Variants in DIAPH2 observed in about 807,000 individuals in gnomAD.
The protein encoded by DIAPH2 is diaphanous related formin 2, also known as protein diaphanous homolog 2.
DIAPH2 carries 35 observed loss-of-function variants against 92.7 expected under a neutral mutation model. The ratio of observed to expected loss-of-function variants is 0.38; its 90% CI spans 0.29 to 0.50. The LOEUF is 0.50. Ranked by LOEUF, DIAPH2 falls within the 20% of genes least tolerant of loss-of-function variation. The pLI is 0.94. For missense variants in DIAPH2, 701 were observed against 819.5 expected, an observed-to-expected ratio of 0.86 and a Z score of 1.77; for synonymous variants, 301 against 280.4, an observed-to-expected ratio of 1.07 and a Z score of -0.73.
At chrX:97,197,132 A>C (rs147382305) in intron 22 of DIAPH2, among the ~76,000 whole-genome samples, 105 of 111,923 alleles carry the variant, frequency 9.4e-4, no homozygotes, top group Non-Finnish European at 1.7e-3. Flanking sequence ...AATTAAATGA[A>C]AGGTAAATAC....
intron 17 of DIAPH2, among the ~76,000 whole-genome samples, chrX:97,006,703 C>CT (rs2066185163): frequency 8.9e-6 from 1 of 111,879 alleles, no homozygotes; most frequent in Admixed American, 9.4e-5. Flanking sequence ...AAAGCAAGAG[C>CT]TTTTTTTAAA....
chrX:97,185,900 C>T (rs1351502828), intron 22 of DIAPH2, among the ~76,000 whole-genome samples: 1 of 110,149 alleles, frequency 9.1e-6, no homozygotes, highest in African/African-American at 3.3e-5. Flanking sequence ...GTATAGGTTC[C>T]CATCCTAAAT....
intron 22 of DIAPH2, among the ~76,000 whole-genome samples, chrX:97,173,633 T>C (rs1246771277): frequency 9.0e-6 from 1 of 111,241 alleles, no homozygotes; most frequent in Non-Finnish European, 1.9e-5. Flanking sequence ...GGGCTGGACC[T>C]GGTGGCTCAG....
At chrX:97,559,704 C>CAA (rs1284104355) in intron 26 of DIAPH2, among the ~76,000 whole-genome samples, 1 of 111,642 alleles carries the variant, frequency 9.0e-6, no homozygotes, top group Non-Finnish European at 1.9e-5. Flanking sequence ...TGATCAAAAA[C>CAA]AAAGTAAAGA....
At chrX:97,237,730 T>G (rs1396024225) in intron 22 of DIAPH2, among the ~76,000 whole-genome samples, 1 of 110,492 alleles carries the variant, frequency 9.1e-6, no homozygotes, top group Non-Finnish European at 1.9e-5. Flanking sequence ...CACAGGCGCC[T>G]GCCACCGCGC....
chrX:96,981,432 A>G (rs1254181531), intron 17 of DIAPH2, among the ~76,000 whole-genome samples: 4 of 112,020 alleles, frequency 3.6e-5, no homozygotes, highest in Non-Finnish European at 7.5e-5. Flanking sequence ...ATAATAATCA[A>G]TAGAATAACT....
chrX:97,420,898 C>T (rs1445548955), intron 25 of DIAPH2, among the ~76,000 whole-genome samples: 2 of 112,127 alleles, frequency 1.8e-5, no homozygotes, highest in Non-Finnish European at 3.8e-5. Context: ...TTTATGCCCT[C>T]TTCTAATCTC....
intron 9 of DIAPH2, among the ~76,000 whole-genome samples, chrX:96,925,587 C>T (rs1179370974): frequency 9.0e-6 from 1 of 111,212 alleles, no homozygotes; most frequent in Admixed American, 9.6e-5. Flanking sequence ...AATTATCTTC[C>T]CCAATGTTGT....
At chrX:96,829,842 G>C (rs1478672388) in intron 4 of DIAPH2, among the ~76,000 whole-genome samples, 1 of 109,848 alleles carries the variant, frequency 9.1e-6, no homozygotes, top group Non-Finnish European at 1.9e-5. Flanking sequence ...ATAGTAATAA[G>C]AGAGAGTCAA....
chrX:96,701,273 G>T (rs1308707180), intron 1 of DIAPH2, among the ~76,000 whole-genome samples: 1 of 111,437 alleles, frequency 9.0e-6, no homozygotes. Context: ...CATGCTGAGG[G>T]TATAAACATA....
chrX:97,497,717 A>G (rs1370928592), intron 26 of DIAPH2, among the ~76,000 whole-genome samples: 1 of 110,035 alleles, frequency 9.1e-6, no homozygotes, highest in Non-Finnish European at 1.9e-5. Context: ...GCAGCAGGAG[A>G]ATTGCTTGAA....
intron 26 of DIAPH2, among the ~76,000 whole-genome samples, chrX:97,483,663 C>T (rs2070667799): frequency 8.9e-6 from 1 of 111,911 alleles, no homozygotes; most frequent in African/African-American, 3.2e-5. Context: ...CTTCAGTTCT[C>T]CTTTCTTCAT....
At chrX:96,762,083 A>G (rs775340120) in intron 4 of DIAPH2, among the ~76,000 whole-genome samples, 1 of 111,999 alleles carries the variant, frequency 8.9e-6, no homozygotes, top group African/African-American at 3.2e-5. Context: ...CACTAGCTGA[A>G]AAATAGAACA....
At chrX:96,868,886 G>C (rs969227913) in intron 4 of DIAPH2, among the ~76,000 whole-genome samples, 1 of 111,631 alleles carries the variant, frequency 9.0e-6, no homozygotes, top group African/African-American at 3.3e-5. Context: ...TAATCAATGT[G>C]TGTGCAGAGA....
intron 26 of DIAPH2, among the ~76,000 whole-genome samples, chrX:97,510,074 G>T (rs1327768194): frequency 9.1e-6 from 1 of 110,292 alleles, no homozygotes; most frequent in Non-Finnish European, 1.9e-5. Context: ...GATCCCTGAG[G>T]AATCGCCACA....
intron 17 of DIAPH2, among the ~76,000 whole-genome samples, chrX:97,026,592 G>T (rs2066336684): frequency 8.9e-6 from 1 of 111,817 alleles, no homozygotes; most frequent in Non-Finnish European, 1.9e-5. Context: ...ATTTCAAACT[G>T]CAGGTGGCTC....
chrX:96,693,019 A>C lies in DIAPH2; in HGVS notation c.132+7829A>C, dbSNP rs2063806225. ...TTGTGGGCTTACAATTGAAAATCAG[A>C]CTACACTAATGAGGTGATGGAGCTG... On this transcript the variant is annotated intron_variant, in intron 1 of 26. Coordinates refer to ENST00000324765, the MANE Select transcript of DIAPH2 (RefSeq NM_006729.5). Among the ~76,000 whole-genome samples the C allele has an allele frequency of 2.7e-5, 3 of 111,984 alleles. No individual in the cohort carries two copies. In the Admixed American group the frequency reaches 2.9e-4, roughly 11 times the overall value.
intron 5 of DIAPH2, among the ~76,000 whole-genome samples, chrX:96,902,250 A>G: frequency 8.9e-6 from 1 of 112,040 alleles, no homozygotes; most frequent in Middle Eastern, 4.6e-3. Flanking sequence ...CGAAGAATGT[A>G]TATTATGCAG....
intron 26 of DIAPH2, among the ~76,000 whole-genome samples, chrX:97,490,681 T>C (rs751364070): frequency 2.6e-4 from 29 of 110,861 alleles, no homozygotes; most frequent in Non-Finnish European, 5.5e-4. Flanking sequence ...TTTTAAAGAG[T>C]GTGTTGTTTC....
Sources: allele counts gnomAD v4.1 joint callset (sites outside exome capture counted in the v4.1 genomes callset), GRCh38; gene constraint gnomAD v4.1.1; transcripts MANE v1.5; gene names NCBI Gene and HGNC (gene_info 2026-07-23, HGNC 2026-07-21).